CTBP2: variants seen among roughly 807,000 people sequenced by gnomAD.
CTBP2 encodes C-terminal-binding protein 2.
In CTBP2, 30 loss-of-function variants were observed where a neutral mutation model predicts 80.3. The observed-to-expected ratio is 0.37, with a 90% CI of 0.28 to 0.51. The LOEUF (loss-of-function observed/expected upper bound fraction) is 0.51, where lower values mean the gene tolerates loss of function less well. Among genes scored for constraint, CTBP2 ranks in the 20% least tolerant of loss-of-function variants. The probability of loss-of-function intolerance (pLI) is 0.93; values close to 1 mark genes in which losing one functional copy is unlikely to be tolerated. For missense variants in CTBP2, 1,212 were observed against 1,375.3 expected, an observed-to-expected ratio of 0.88 and a Z score of 1.88; for synonymous variants, 594 against 587.4, an observed-to-expected ratio of 1.01 and a Z score of -0.16.
intron 1 of CTBP2, among the ~76,000 whole-genome samples, chr10:125,112,522 A>G (rs1257471591): frequency 1.4e-5 from 2 of 140,512 alleles, no homozygotes; most frequent in Non-Finnish European, 3.0e-5. Flanking sequence ...TCCGCCTCCC[A>G]GGTCCAAGGG....
At chr10:125,033,324 C>T (rs1448890144) in intron 3 of CTBP2, among the ~76,000 whole-genome samples, 4 of 152,164 alleles carry the variant, frequency 2.6e-5, no homozygotes, top group Admixed American at 6.5e-5. Flanking sequence ...GAGAAAGGCA[C>T]GTGAGGTCAC....
chr10:125,114,568 A>C (rs996915754), intron 1 of CTBP2, among the ~76,000 whole-genome samples: 1 of 152,104 alleles, frequency 6.6e-6, no homozygotes, highest in African/African-American at 2.4e-5. Flanking sequence ...AGTCAGGCAT[A>C]CAAAAATTAC....
At chr10:125,033,036 A>G (rs532353757), upstream of CTBP2, among the ~76,000 whole-genome samples, 2 of 152,322 alleles carry the variant, frequency 1.3e-5, no homozygotes, top group East Asian at 3.9e-4. Flanking sequence ...TTAGGATACG[A>G]AAGAACTGAC....
intron 2 of CTBP2, among the ~76,000 whole-genome samples, chr10:125,045,236 G>A (rs1364686844): frequency 6.6e-6 from 1 of 152,122 alleles, no homozygotes; most frequent in East Asian, 1.9e-4. Context: ...CCCAGATCCT[G>A]GATCTGCCAG....
chr10:124,993,676 C>T (rs996922114), intron 6 of CTBP2, among the ~76,000 whole-genome samples, 179 bp downstream of exon 8: 3 of 152,222 alleles, frequency 2.0e-5, no homozygotes, highest in African/African-American at 7.2e-5. Context: ...GGGAAACTTC[C>T]AGCCCTTTTA....
chr10:125,050,900 C>G (rs2135191890), intron 2 of CTBP2, among the ~76,000 whole-genome samples: 1 of 152,312 alleles, frequency 6.6e-6, no homozygotes, highest in Middle Eastern at 3.4e-3. Context: ...AACTGGGGTC[C>G]TCACAGGCCT....
intron 2 of CTBP2, among the ~76,000 whole-genome samples, chr10:125,044,970 A>G (rs761614147): frequency 6.6e-6 from 1 of 152,192 alleles, no homozygotes; most frequent in Non-Finnish European, 1.5e-5. Context: ...AGCTTAATGG[A>G]GCCAATTTTC....
At chr10:125,141,756 A>C (rs1412958135) in intron 1 of CTBP2, among the ~76,000 whole-genome samples, 1 of 152,210 alleles carries the variant, frequency 6.6e-6, no homozygotes, top group Non-Finnish European at 1.5e-5. Context: ...GCGAGCACAC[A>C]GTAAGCACAT....
intron 1 of CTBP2, among the ~76,000 whole-genome samples, chr10:125,151,788 G>A (rs1026235530): frequency 6.6e-6 from 1 of 152,148 alleles, no homozygotes; most frequent in Non-Finnish European, 1.5e-5. Flanking sequence ...CCGGGGCCTC[G>A]CGGACCGGAG....
chr10:125,059,722 CTGCATCAGTGGGCAGCTCAGTGTGCT>C (rs1964606048), intron 2 of CTBP2, among the ~76,000 whole-genome samples: 1 of 152,194 alleles, frequency 6.6e-6, no homozygotes. Context: ...GCCACTGACA[CTGCATCAGTGGGCAGCTCAGTGTGCT>C]GCCCCTCTCG....
At chr10:125,025,520 A>T (rs567107206) in intron 1 of CTBP2, among the ~76,000 whole-genome samples, 20 of 152,212 alleles carry the variant, frequency 1.3e-4, no homozygotes, top group South Asian at 8.3e-4. Context: ...GGATTTCAAC[A>T]TCTTGCTTTG....
rs1953077791 is a variant in CTBP2, at chr10:124,993,910, T to G, written c.2476A>C (p.Lys826Gln). Residue 826 changes from lysine to glutamine, a missense_variant, in exon 6 of 9, where the codon AAG becomes CAG. Physicochemically the swap from Lys to Gln is moderately conservative, Grantham distance 53. Around this residue, in one of 3 missense-constraint regions of CTBP2, gnomAD observed 335 missense variants for 504.7 expected, o/e 0.66. Transcript: ENST00000309035. Reference sequence around the variant, plus strand: ...GCTGCCCCTCGTATCCTGCCCTCCTTGAGGGCTTGTGCTAAGGCTTTCTCG... The same window carrying G: ...GCTGCCCCTCGTATCCTGCCCTCCTGGAGGGCTTGTGCTAAGGCTTTCTCG... The G allele has an allele frequency of 1.2e-6, 2 of 1,614,142 alleles. No individual in the cohort carries two copies. The highest frequency in any genetic ancestry group is 4.5e-5 in the East Asian group (2 of 44,886).
intron 1 of CTBP2, among the ~76,000 whole-genome samples, chr10:125,008,837 C>T (rs528106892): frequency 1.9e-4 from 29 of 152,348 alleles, no homozygotes; most frequent in Middle Eastern, 3.4e-3. Context: ...TCTTAGCTCC[C>T]GCAATTTAGC....
chr10:125,135,304 C>T (rs1462742537), intron 1 of CTBP2, among the ~76,000 whole-genome samples: 1 of 152,190 alleles, frequency 6.6e-6, no homozygotes, highest in African/African-American at 2.4e-5. Flanking sequence ...AAGACAGCCT[C>T]CCACCTTTGT....
intron 3 of CTBP2, among the ~76,000 whole-genome samples, chr10:125,002,244 G>A (rs1954625043): frequency 1.3e-5 from 2 of 152,226 alleles, no homozygotes; most frequent in Non-Finnish European, 2.9e-5. Context: ...GCCCTCTCCC[G>A]AGGACGCTCG....
chr10:125,117,546 G>C (rs1038685383), intron 1 of CTBP2, among the ~76,000 whole-genome samples: 3 of 152,162 alleles, frequency 2.0e-5, no homozygotes, highest in Middle Eastern at 3.2e-3. Flanking sequence ...AAGCTCACTG[G>C]GCATGAAGCA....
At chr10:125,151,243 C>T (rs1859804632) in intron 1 of CTBP2, among the ~76,000 whole-genome samples, 1 of 152,132 alleles carries the variant, frequency 6.6e-6, no homozygotes. Context: ...ACGAAACGGG[C>T]CAGATCGCAC....
intron 1 of CTBP2, among the ~76,000 whole-genome samples, chr10:125,152,367 TC>T (rs1210440336): frequency 6.6e-6 from 1 of 151,978 alleles, no homozygotes; most frequent in Non-Finnish European, 1.5e-5. Context: ...GGACTGGCGC[TC>T]CCCGCAACAG....
At chr10:125,100,627 G>A (rs1243424400) in intron 2 of CTBP2, 1 of 152,174 alleles carries the variant, frequency 6.6e-6, no homozygotes, top group Non-Finnish European at 1.5e-5. Flanking sequence ...TGTATGTTTA[G>A]AAAGGATCCT....
Sources: gnomAD v4.1 joint callset for allele counts (sites outside exome capture counted in the v4.1 genomes callset) on GRCh38, gnomAD v4.1.1 for gene constraint, gnomAD v4.1.1 regional missense constraint, MANE v1.5 for transcripts, NCBI Gene and HGNC (gene_info 2026-07-23, HGNC 2026-07-21) for gene names.